The following ZFR2 variants were observed in gnomAD, a reference collection of about 807,000 sequenced individuals.
ZFR2 encodes zinc finger RNA binding protein 2.
In ZFR2, 104 loss-of-function variants were observed where a neutral mutation model predicts 105.7. That is an observed-to-expected ratio of 0.98 (90% CI 0.84 to 1.16). ZFR2 has a LOEUF of 1.16. Among genes scored for constraint, ZFR2 ranks in the 50% most tolerant of loss-of-function variants. The probability of loss-of-function intolerance (pLI) is 0.00; values close to 1 mark genes in which losing one functional copy is unlikely to be tolerated. For missense variants in ZFR2, 1,425 were observed against 1,355.5 expected, an observed-to-expected ratio of 1.05 and a Z score of -0.80; for synonymous variants, 634 against 597.7, an observed-to-expected ratio of 1.06 and a Z score of -0.89.
At chr19:3,849,184 G>C (rs986585192) in intron 1 of ZFR2, among the ~76,000 whole-genome samples, 1 of 151,698 alleles carries the variant, frequency 6.6e-6, no homozygotes. Flanking sequence ...AGAGGGCTGT[G>C]GGGGCAAGTG....
Position 3,831,585 on chromosome 19 carries a change from G to C in ZFR2, c.599-29C>G, listed in dbSNP as rs779536117. 6 of 1,542,938 alleles carry C rather than the reference G, an allele frequency of 3.9e-6. No homozygotes were observed. In the African/African-American group the frequency reaches 8.2e-5, roughly 21 times the overall value. ...AGCAGCAGAGAAAACAATGAGTCGGGGGGAGATGCTGATTCCACTGAGTTG... is the reference window on the plus strand; with the variant it reads ...AGCAGCAGAGAAAACAATGAGTCGGCGGGAGATGCTGATTCCACTGAGTTG... On this transcript the variant is annotated intron_variant, in intron 4 of 18. Coordinates refer to ENST00000262961, the MANE Select transcript of ZFR2 (RefSeq NM_015174.2).
At position 3,816,843 on chromosome 19, in the gene ZFR2, C is replaced by T; in HGVS notation, c.1934G>A (p.Ser645Asn). Residue 645 changes from serine (S) to asparagine (N), a missense_variant and splice_region_variant, in exon 13 of 19, where the codon AGC (serine) becomes AAC (asparagine). Coordinates refer to ENST00000262961, the MANE Select transcript of ZFR2 (RefSeq NM_015174.2). ...CAGGACCCGAGTCTGGGGGGCAACGCTGCTGTGGGGACAAAGCCACAGACG... is the reference window on the plus strand; with the variant it reads ...CAGGACCCGAGTCTGGGGGGCAACGTTGCTGTGGGGACAAAGCCACAGACG... The part of the protein sequence containing the change: ...RREEEGDKRS[S>N]VAPQTRVLKG... 6.4e-7 allele frequency: 1 copy of T among 1,557,684 alleles called. No individual in the cohort carries two copies. The highest frequency in any genetic ancestry group is 8.7e-7 in the Non-Finnish European group (1 of 1,151,452).
Position 3,823,496 on chromosome 19 carries a change from A to G in ZFR2, c.1214-93T>C. On this transcript the variant is annotated intron_variant, in intron 7 of 18. Coordinates refer to ENST00000262961, the MANE Select transcript of ZFR2 (RefSeq NM_015174.2). The surrounding 1 kb of genome is among the most constrained non-coding windows in gnomAD (Gnocchi z 5.4). Reference sequence around the variant, plus strand: ...GGCGGCATGGGGTGGAGAGCCACCCAGACTGCAGGCTGTGCCATCCCCCTC... The same window carrying G: ...GGCGGCATGGGGTGGAGAGCCACCCGGACTGCAGGCTGTGCCATCCCCCTC... 7.7e-7 allele frequency: 1 copy of G among 1,304,042 alleles called. No individual in the cohort carries two copies. Among genetic ancestry groups the G allele is most frequent in the Non-Finnish European group, 1.0e-6 (1 of 959,746 alleles). The allele number at this position is 1,304,042 out of a possible 1,614,324, so 80.8% of individuals were successfully genotyped here.
chr19:3,835,040 A>G, intron 1 of ZFR2, 57 bp from the exon 2 acceptor site: 1 of 1,537,230 alleles, frequency 6.5e-7, no homozygotes, highest in Non-Finnish European at 8.8e-7. Flanking sequence ...TCTCAGGTGC[A>G]CTGAGTTGAC....
At chr19:3,845,391 G>A (rs2038176087) in intron 1 of ZFR2, among the ~76,000 whole-genome samples, 1 of 151,740 alleles carries the variant, frequency 6.6e-6, no homozygotes, top group South Asian at 2.1e-4. Flanking sequence ...GGAGGCCGAG[G>A]CAGGAAGATG....
chr19:3,839,836 A>T (rs1304985624), intron 1 of ZFR2, among the ~76,000 whole-genome samples: 1 of 152,000 alleles, frequency 6.6e-6, no homozygotes, highest in African/African-American at 2.4e-5. Context: ...ACTTTTAACT[A>T]CATATGTATG....
intron 18 of ZFR2, 35 bp downstream of exon 18, chr19:3,807,137 T>G (rs1179933159): frequency 1.4e-5 from 21 of 1,485,818 alleles, no homozygotes; most frequent in Non-Finnish European, 1.9e-5. Flanking sequence ...AGCTGGGGCC[T>G]GGGTGTCACC....
intron 14 of ZFR2, among the ~76,000 whole-genome samples, chr19:3,812,315 A>G (rs551654230): frequency 2.6e-4 from 40 of 152,204 alleles, no homozygotes; most frequent in African/African-American, 9.6e-4. Context: ...TCTGGGCTCA[A>G]GCAATCCTCC....
intron 1 of ZFR2, 111 bp from the exon 2 acceptor site, chr19:3,835,094 G>C: frequency 3.9e-6 from 5 of 1,277,400 alleles, no homozygotes; most frequent in East Asian, 2.5e-5. Flanking sequence ...GCCCTGCTTG[G>C]TGGAGACCCT....
At chr19:3,865,318 G>T (rs1473895963) in intron 1 of ZFR2, among the ~76,000 whole-genome samples, 1 of 152,060 alleles carries the variant, frequency 6.6e-6, no homozygotes, top group East Asian at 1.9e-4. Context: ...AAATGTTAAG[G>T]AAATTCCTAC....
In ZFR2 at chr19:3,856,129, G is replaced by A. The variant is rs368745423; in HGVS notation, c.53+12836C>T. 1.2e-4 allele frequency among the ~76,000 whole-genome samples: 19 copies of A among 152,342 alleles called. No homozygotes were observed. In the East Asian group the frequency reaches 3.5e-3, roughly 28 times the overall value. ...GTGCAGGGGCGTGCGCTCAAGGTCA[G>A]AAGAAGGAAAGGAGGCCAGCCTGGC... is the stretch of plus-strand genomic sequence containing the variant. On this transcript the variant is annotated intron_variant, in intron 1 of 18. Transcript: ENST00000262961.
Position 3,806,134 on chromosome 19 carries a change from C to T in ZFR2, c.2644-9G>A, listed in dbSNP as rs2037694019. 2 of 1,424,254 alleles carry T rather than the reference C, an allele frequency of 1.4e-6. No homozygotes were observed. Among genetic ancestry groups the T allele is most frequent in the Middle Eastern group, 1.8e-4 (1 of 5,466 alleles). The allele number at this position is 1,424,254 out of a possible 1,614,324, so 88.2% of individuals were successfully genotyped here. On this transcript the variant is annotated splice_polypyrimidine_tract_variant and intron_variant, in intron 18 of 18. Coordinates refer to ENST00000262961, the MANE Select transcript of ZFR2 (RefSeq NM_015174.2). ...AGCATTCGCAGGGCGTGCTGCGGGGCACACACAGCCTGTCAGGACCCCCGC... is the reference window on the plus strand; with the variant it reads ...AGCATTCGCAGGGCGTGCTGCGGGGTACACACAGCCTGTCAGGACCCCCGC...
In ZFR2 at chr19:3,834,795, G is replaced by A; in HGVS notation, c.242C>T (p.Ala81Val). 6.2e-7 allele frequency: 1 copy of A among 1,612,252 alleles called. No individual in the cohort carries two copies. The highest frequency in any genetic ancestry group is 1.1e-5 in the South Asian group (1 of 91,002). Reference protein sequence around the residue: ...GSRPQEPVPTATTMATYQDSY... With the variant: ...GSRPQEPVPTVTTMATYQDSY... ...TACCTGGTAGGTAGCCATGGTGGTG[G>A]CCGTGGGGACGGGCTCCTGGGGTCG... is the stretch of plus-strand genomic sequence containing the variant. The change falls in exon 2 of 19, where the codon GCC (alanine) becomes GTC (valine). Residue 81 changes from alanine (A) to valine (V), a missense_variant. Coordinates refer to ENST00000262961, the MANE Select transcript of ZFR2 (RefSeq NM_015174.2). This position sits in a 1 kb window ranked among gnomAD's most constrained non-coding sequence, Gnocchi z 5.3.
intron 1 of ZFR2, among the ~76,000 whole-genome samples, chr19:3,867,310 G>T (rs887765830): frequency 6.7e-6 from 1 of 149,892 alleles, no homozygotes; most frequent in African/African-American, 2.5e-5. Context: ...CTGTTGGGGG[G>T]GGAATCTGGT....
At chr19:3,822,284 C>G in intron 8 of ZFR2, 84 bp from the exon 9 acceptor site, 1 of 1,523,122 alleles carries the variant, frequency 6.6e-7, no homozygotes, top group East Asian at 2.5e-5. Context: ...CGCGGCGGAG[C>G]CTTCCTCCTT....
chr19:3,859,893 C>A (rs2038352774), intron 1 of ZFR2, among the ~76,000 whole-genome samples: 1 of 152,052 alleles, frequency 6.6e-6, no homozygotes. Context: ...CAGTTTTTTT[C>A]TTTTTCTTTT....
Position 3,805,862 on chromosome 19 carries a change from C to A in ZFR2, c.*87G>T. 1 of 1,369,278 alleles carries A rather than the reference C, an allele frequency of 7.3e-7. No individual in the cohort carries two copies. Among genetic ancestry groups the A allele is most frequent in the Non-Finnish European group, 9.6e-7 (1 of 1,046,204 alleles). 84.8% of individuals were successfully genotyped at this position (1,369,278 alleles called of 1,614,324 possible). On this transcript the variant is annotated 3_prime_UTR_variant, in exon 19 of 19. Coordinates refer to ENST00000262961, the MANE Select transcript of ZFR2 (RefSeq NM_015174.2). Reference sequence around the variant, plus strand: ...TCAAAAGGAAATGACCATTGTCCAACGTCGGGGATGAAGCAGCCATTGGTC... The same window carrying A: ...TCAAAAGGAAATGACCATTGTCCAAAGTCGGGGATGAAGCAGCCATTGGTC...
intron 1 of ZFR2, among the ~76,000 whole-genome samples, chr19:3,841,784 C>G (rs2038135405): frequency 6.6e-6 from 1 of 151,736 alleles, no homozygotes; most frequent in Non-Finnish European, 1.5e-5. Context: ...CAGCCTGGGC[C>G]ACAGAGCTGG....
chr19:3,839,536 CAAAAAAAAAAAAAAAAAAAAAAAAAA>C (rs60712587), intron 1 of ZFR2, among the ~76,000 whole-genome samples: 848 of 36,658 alleles, frequency 0.023, 30 homozygotes, highest in African/African-American at 0.076. Flanking sequence ...GGGATTCTGT[CAAAAAAAAAAAAAAAAAAAAAAAAAA>C]AAAAAAAAAA....
Sources: gnomAD v4.1 joint callset for allele counts (sites outside exome capture counted in the v4.1 genomes callset) on GRCh38, gnomAD v4.1.1 for gene constraint, Gnocchi (gnomAD v3.1) non-coding constraint, MANE v1.5 for transcripts, NCBI Gene and HGNC (gene_info 2026-07-23, HGNC 2026-07-21) for gene names.